Variants in TRIOBP observed in about 807,000 individuals in gnomAD.
The protein encoded by TRIOBP is TRIO and F-actin-binding protein.
TRIOBP carries 169 observed loss-of-function variants against 238.8 expected under a neutral mutation model. The observed-to-expected ratio is 0.71, with a 90% CI of 0.62 to 0.80. The LOEUF is 0.80. Among genes scored for constraint, TRIOBP ranks in the 30% least tolerant of loss-of-function variants. The pLI is 0.00. For synonymous variants in TRIOBP, 1,150 were observed against 1,274.4 expected (o/e 0.90, Z 2.08); for missense variants, 2,838 against 3,122.6 (o/e 0.91, Z 2.17).
chr22:37,743,068 C>A (rs1203371365), intron 11 of TRIOBP, among the ~76,000 whole-genome samples: 1 of 152,198 alleles, frequency 6.6e-6, no homozygotes, highest in Non-Finnish European at 1.5e-5. Flanking sequence ...CTGAGCCCTC[C>A]TGCAGCTCTG....
intron 16 of TRIOBP, 123 bp downstream of exon 16, chr22:37,758,261 G>C: frequency 7.9e-7 from 1 of 1,259,448 alleles, no homozygotes; most frequent in Non-Finnish European, 1.1e-6. Flanking sequence ...CTGATCTGCT[G>C]TGAGTGTGCA....
At chr22:37,723,049 G>C in intron 6 of TRIOBP, 136 bp from the exon 7 acceptor site, 2 of 815,812 alleles carry the variant, frequency 2.5e-6, no homozygotes, top group East Asian at 5.3e-5. Flanking sequence ...GGAGTCACTT[G>C]GTACAGACAG....
chr22:37,704,144 C>T lies in TRIOBP; in HGVS notation c.114+2665C>T, dbSNP rs189507347. Among the ~76,000 whole-genome samples, 82 of 152,300 alleles carry T rather than the reference C, an allele frequency of 5.4e-4. No homozygotes were observed. In the Middle Eastern group the frequency reaches 0.027, roughly 51 times the overall value. On this transcript the variant is annotated intron_variant, in intron 3 of 23. Coordinates refer to ENST00000644935, the MANE Select transcript of TRIOBP (RefSeq NM_001039141.3). ...GTGACTCACTCCTGTAATCCCAGCA[C>T]TTTGGGAGGCCAAGGTGGGTGGATC...
chr22:37,709,071 C>G (rs755982172), intron 3 of TRIOBP, among the ~76,000 whole-genome samples: 34 of 152,200 alleles, frequency 2.2e-4, no homozygotes, highest in Non-Finnish European at 4.3e-4. Context: ...CTCCTGCTGC[C>G]GAGCTCTGAT....
rs1254812504 is a variant in TRIOBP at position 37,763,345 on chromosome 22, C to T, written c.6325-2325C>T. On this transcript the variant is annotated intron_variant, in intron 17 of 23. Transcript: ENST00000644935. ...CAAGGCGCAGCCAGGGTGAAGACCG[C>T]CTCTGAGGTCCAAAGTCATGTTCTG... is the stretch of plus-strand genomic sequence containing the variant. Among the ~76,000 whole-genome samples the T allele has an allele frequency of 2.6e-5, 4 of 152,298 alleles. No individual in the cohort carries two copies. In the East Asian group the frequency reaches 5.8e-4, roughly 22 times the overall value.
intron 9 of TRIOBP, among the ~76,000 whole-genome samples, chr22:37,736,412 C>G (rs190301111): frequency 6.6e-6 from 1 of 152,220 alleles, no homozygotes; most frequent in East Asian, 1.9e-4. Context: ...CGCCACCTGC[C>G]CCAGGATGAG....
At chr22:37,732,906 T>C (rs1924494849) in intron 7 of TRIOBP, among the ~76,000 whole-genome samples, 1 of 152,202 alleles carries the variant, frequency 6.6e-6, no homozygotes, top group Non-Finnish European at 1.5e-5. Context: ...GCTCAATAAA[T>C]CTTAATTCCC....
intron 11 of TRIOBP, among the ~76,000 whole-genome samples, chr22:37,747,860 G>C (rs918127774): frequency 3.9e-5 from 6 of 152,232 alleles, no homozygotes; most frequent in African/African-American, 9.6e-5. Context: ...ATCCAGGTCC[G>C]TTCCAGCTTT....
chr22:37,769,433 G>A lies in TRIOBP; in HGVS notation c.6849+58G>A, dbSNP rs984962672. On this transcript the variant is annotated intron_variant, in intron 21 of 23. Coordinates refer to ENST00000644935, the MANE Select transcript of TRIOBP (RefSeq NM_001039141.3). The stretch of plus-strand genomic sequence containing the variant: ...TGGTTCTCGGGGCCCGGGGCTATGG[G>A]GCACCCCCGCCATAGGCTGGGTATC... The A allele has an allele frequency of 1.4e-5, 21 of 1,479,334 alleles. 1 individual carries two copies. The South Asian group carries it at 2.4e-4, about 17-fold the overall frequency. 91.6% of individuals were successfully genotyped at this position (1,479,334 alleles called of 1,614,324 possible).
intron 3 of TRIOBP, among the ~76,000 whole-genome samples, chr22:37,706,133 T>C (rs1922933638): frequency 6.6e-6 from 1 of 152,142 alleles, no homozygotes. Flanking sequence ...AACCCATGGC[T>C]GACTCCTGTA....
chr22:37,770,721 C>T (rs1255078855), intron 21 of TRIOBP, among the ~76,000 whole-genome samples: 1 of 145,250 alleles, frequency 6.9e-6, no homozygotes, highest in African/African-American at 2.6e-5. Flanking sequence ...GTCACTCTGT[C>T]ACCCAGGCTG....
rs8142943 is a variant in TRIOBP, at chr22:37,756,007, A to G, written c.5687+348A>G. On this transcript the variant is annotated intron_variant, in intron 15 of 23. Coordinates refer to ENST00000644935, the MANE Select transcript of TRIOBP (RefSeq NM_001039141.3). The stretch of plus-strand genomic sequence containing the variant: ...TAGGTAGTTCAGCCTTGGCGCCCAC[A>G]CCTCCCGGGATGGGGAGCTCACTCC... Among the ~76,000 whole-genome samples the G allele has an allele frequency of 3.0e-3, 453 of 151,774 alleles. 1 individual carries two copies. The highest frequency in any genetic ancestry group is 0.01 in the African/African-American group (427 of 41,398).
At chr22:37,746,043 A>G (rs1276276952) in intron 11 of TRIOBP, among the ~76,000 whole-genome samples, 12 of 14,448 alleles carry the variant, frequency 8.3e-4, no homozygotes, top group South Asian at 3.8e-3. Context: ...CCATCCGCCC[A>G]CCCCGCCGTC....
rs1924475966 is a variant in TRIOBP, at chr22:37,732,529, AG to A, written c.3948-768del. Among the ~76,000 whole-genome samples the A allele has an allele frequency of 2.7e-5, 4 of 150,810 alleles. No homozygotes were observed. In the South Asian group the frequency reaches 8.4e-4, roughly 32 times the overall value. Reference sequence around the variant, plus strand: ...CATCTCAAAAAAAAAAAAAAAAAAAAGACACTTGCTTGGACAGTTTATGTTG... The same window carrying A: ...CATCTCAAAAAAAAAAAAAAAAAAAAACACTTGCTTGGACAGTTTATGTTG... On this transcript the variant is annotated intron_variant, in intron 7 of 23. Coordinates refer to ENST00000644935, the MANE Select transcript of TRIOBP (RefSeq NM_001039141.3).
chr22:37,765,675 A>G lies in TRIOBP; in HGVS notation c.6330A>G (p.Ala2110=), dbSNP rs1601666209. The change falls in exon 18 of 24, where the codon GCA becomes GCG. Residue 2110 remains alanine (A), a synonymous_variant. Coordinates refer to ENST00000644935, the MANE Select transcript of TRIOBP (RefSeq NM_001039141.3). Reference sequence around the variant, plus strand: ...CCCTGGCGTCCGGCCCACAGGAGGCATGTGAGCGCAGCCTGGCAGAGATGG... The same window carrying G: ...CCCTGGCGTCCGGCCCACAGGAGGCGTGTGAGCGCAGCCTGGCAGAGATGG... ...HIPPGYISQE[A]CERSLAEMES... The G allele has an allele frequency of 6.5e-7, 1 of 1,550,336 alleles. No individual in the cohort carries two copies. Among genetic ancestry groups the G allele is most frequent in the Non-Finnish European group, 8.7e-7 (1 of 1,147,300 alleles).
chr22:37,751,835 G>C lies in TRIOBP; in HGVS notation c.5379+7G>C, dbSNP rs763304999. 7 of 1,613,848 alleles carry C rather than the reference G, an allele frequency of 4.3e-6. No individual in the cohort carries two copies. Among genetic ancestry groups the C allele is most frequent in the Non-Finnish European group, 5.9e-6 (7 of 1,179,960 alleles). On this transcript the variant is annotated splice_region_variant and intron_variant, in intron 12 of 23. Transcript: ENST00000644935. ...CTTGGACGAGCCTGGAGAGGTAAGA[G>C]GACTGAGGCCGGAGGGGAGGAAGCT...
At chr22:37,744,947 C>A (rs550781416) in intron 11 of TRIOBP, among the ~76,000 whole-genome samples, 2 of 152,152 alleles carry the variant, frequency 1.3e-5, no homozygotes, top group African/African-American at 2.4e-5. Context: ...CTCACTGTAA[C>A]CTCTGCCTCC....
intron 11 of TRIOBP, among the ~76,000 whole-genome samples, chr22:37,749,558 T>A (rs969262026): frequency 1.3e-5 from 2 of 152,082 alleles, no homozygotes; most frequent in Non-Finnish European, 2.9e-5. Context: ...AAGAGGTAGC[T>A]GGGCCTGAAG....
At chr22:37,699,397 T>C (rs1465327900) in intron 2 of TRIOBP, among the ~76,000 whole-genome samples, 1 of 151,916 alleles carries the variant, frequency 6.6e-6, no homozygotes, top group Non-Finnish European at 1.5e-5. Flanking sequence ...AGCCCTGGAT[T>C]TGAATCAGCC....
Sources: allele counts gnomAD v4.1 joint callset (sites outside exome capture counted in the v4.1 genomes callset), GRCh38; gene constraint gnomAD v4.1.1; transcripts MANE v1.5; gene names NCBI Gene and HGNC (gene_info 2026-07-23, HGNC 2026-07-21).